Variants in CHRDL2 observed in about 807,000 individuals in gnomAD.
CHRDL2 encodes chordin like 2, also known as chordin-like protein 2.
Under a neutral mutation model 54.3 loss-of-function variants are expected in CHRDL2, and 41 were observed. The observed-to-expected ratio is 0.76, with a 90% CI of 0.59 to 0.98. The LOEUF is 0.98. CHRDL2 is among the 50% of genes least tolerant of loss of function. The pLI is 0.00. For synonymous variants in CHRDL2, 220 were observed against 224.3 expected (o/e 0.98, Z 0.17); for missense variants, 518 against 562.4 (o/e 0.92, Z 0.80).
At chr11:74,715,937 C>T (rs551551071) in intron 2 of CHRDL2, among the ~76,000 whole-genome samples, 5 of 152,178 alleles carry the variant, frequency 3.3e-5, no homozygotes, top group Admixed American at 2.6e-4. Flanking sequence ...GAGATCGTGC[C>T]ACTGCACTAC....
rs778654694 is a variant in CHRDL2, at chr11:74,713,433, C to A, written c.242G>T (p.Cys81Phe). ...CYRLHCPPVHCPQPVTEPQQC... is the reference protein window; with the variant it reads ...CYRLHCPPVHFPQPVTEPQQC... ...CTGTGGCTCCGTCACAGGCTGGGGGCAGTGGACAGGCGGACAGTGGAGGCG... is the reference window on the plus strand; with the variant it reads ...CTGTGGCTCCGTCACAGGCTGGGGGAAGTGGACAGGCGGACAGTGGAGGCG... Residue 81 changes from cysteine (C) to phenylalanine (F), a missense_variant, in exon 3 of 11, where the codon TGC (cysteine) becomes TTC (phenylalanine). Physicochemically the swap from Cys to Phe is radical, Grantham distance 205. Coordinates refer to ENST00000376332, the MANE Select transcript of CHRDL2 (RefSeq NM_001278473.3). The A allele has an allele frequency of 1.9e-6, 3 of 1,614,050 alleles. No individual in the cohort carries two copies. The African/African-American group carries it at 4.0e-5, about 22-fold the overall frequency.
In CHRDL2 at chr11:74,702,885, C is replaced by T. The variant is rs748718851; in HGVS notation, c.1029G>A (p.Ser343=). The T allele has an allele frequency of 2.0e-5, 32 of 1,614,022 alleles. No homozygotes were observed. Among genetic ancestry groups the T allele is most frequent in the South Asian group, 5.5e-5 (5 of 91,088 alleles). ...KAPGRVLVHT[S]VSPSPDNLRR... ...GCAGGTTGTCTGGGCTTGGGGATACCGATGTGTGGACGAGGACCCGGCCCG... is the reference window on the plus strand; with the variant it reads ...GCAGGTTGTCTGGGCTTGGGGATACTGATGTGTGGACGAGGACCCGGCCCG... Residue 343 remains serine, a synonymous_variant, in exon 9 of 11, where the codon TCG becomes TCA. Transcript: ENST00000376332.
Position 74,703,315 on chromosome 11 carries a change from C to T in CHRDL2, c.936G>A (p.Lys312=). ...AGTGCCCCTGTGTACCTGGGCAAAT[C>T]TTGCAGCACTTCCCAGCCACTTTCT... ...HPEKVAGKCC[K]ICPEDKADPG... The change falls in exon 8 of 11, where the codon AAG becomes AAA. Residue 312 remains lysine (K), a synonymous_variant. Coordinates refer to ENST00000376332, the MANE Select transcript of CHRDL2 (RefSeq NM_001278473.3). 1.2e-6 allele frequency: 2 copies of T among 1,604,086 alleles called. No homozygotes were observed. Among genetic ancestry groups the T allele is most frequent in the Non-Finnish European group, 1.7e-6 (2 of 1,174,014 alleles).
intron 1 of CHRDL2, among the ~76,000 whole-genome samples, chr11:74,724,794 T>C (rs2034546745): frequency 6.6e-6 from 1 of 152,192 alleles, no homozygotes; most frequent in African/African-American, 2.4e-5. Context: ...AGGTACTTCT[T>C]AAGTAAGCTT....
intron 2 of CHRDL2, among the ~76,000 whole-genome samples, chr11:74,714,931 A>G (rs1054795525): frequency 6.6e-6 from 1 of 152,222 alleles, no homozygotes; most frequent in Non-Finnish European, 1.5e-5. Context: ...GGAACTTCTC[A>G]GGAAAGTCAT....
In CHRDL2 at chr11:74,703,409, G is replaced by A. The variant is rs1303261660; in HGVS notation, c.842C>T (p.Thr281Ile). The change falls in exon 8 of 11, where the codon ACC (threonine) becomes ATC (isoleucine). Residue 281 changes from threonine to isoleucine, a missense_variant. By Grantham distance (89) the Thr-to-Ile change is moderately conservative. Transcript: ENST00000376332. ...GCAGTCCTGGCGGCCATCCTCACAG[G>A]TGCATAGGATGCAGGGCAAGGGGCC... Reference protein sequence around the residue: ...AFGPLPCILCTCEDGRQDCQR... With the variant: ...AFGPLPCILCICEDGRQDCQR... The A allele has an allele frequency of 1.2e-6, 2 of 1,613,562 alleles. No individual in the cohort carries two copies. The highest frequency in any genetic ancestry group is 1.7e-6 in the Non-Finnish European group (2 of 1,179,930).
At chr11:74,697,565 A>G (rs2033642668) in intron 9 of CHRDL2, 1 of 546,682 alleles carries the variant, frequency 1.8e-6, no homozygotes, top group South Asian at 1.8e-5. Context: ...CTAATCTGCA[A>G]TCCTAGCTCT....
chr11:74,716,546 A>AT, intron 2 of CHRDL2, among the ~76,000 whole-genome samples: 1 of 139,194 alleles, frequency 7.2e-6, no homozygotes, highest in African/African-American at 2.6e-5. Flanking sequence ...TCTCCAAAAA[A>AT]AAAAAAAAAA....
At chr11:74,701,399 T>C (rs564500355) in intron 9 of CHRDL2, 13 of 508,086 alleles carry the variant, frequency 2.6e-5, no homozygotes, top group Non-Finnish European at 3.9e-5. Flanking sequence ...AGAACACAGC[T>C]GCTCCCTCTG....
chr11:74,698,078 T>G (rs536470169), intron 9 of CHRDL2, among the ~76,000 whole-genome samples: 32 of 151,468 alleles, frequency 2.1e-4, no homozygotes, highest in Admixed American at 2.1e-3. Flanking sequence ...TTTTTTTTTT[T>G]TTTTGACGGA....
At chr11:74,707,583 C>T (rs138856488) in intron 5 of CHRDL2, among the ~76,000 whole-genome samples, 1 of 152,260 alleles carries the variant, frequency 6.6e-6, no homozygotes, top group Non-Finnish European at 1.5e-5. Context: ...GTCAGGAAGG[C>T]AGGATGAGAC....
intron 10 of CHRDL2, 49 bp from the exon 11 acceptor site, chr11:74,696,634 G>C: frequency 7.5e-7 from 1 of 1,330,224 alleles, no homozygotes; most frequent in Non-Finnish European, 1.1e-6. Context: ...GTCTGCACGT[G>C]CACAACAGAG....
At chr11:74,708,253 A>C in intron 5 of CHRDL2, 49 bp downstream of exon 5, 1 of 1,329,124 alleles carries the variant, frequency 7.5e-7, no homozygotes, top group Non-Finnish European at 1.0e-6. Flanking sequence ...GGCTAGGCCC[A>C]TGGAGTGGAG....
intron 2 of CHRDL2, among the ~76,000 whole-genome samples, chr11:74,715,328 G>A (rs961984609): frequency 1.3e-5 from 2 of 152,184 alleles, no homozygotes; most frequent in Middle Eastern, 3.2e-3. Flanking sequence ...CAAGGACCAC[G>A]CACAGTGGCT....
intron 10 of CHRDL2, 118 bp downstream of exon 10, chr11:74,697,087 G>A (rs1175073774): frequency 9.7e-6 from 7 of 723,976 alleles, no homozygotes; most frequent in African/African-American, 3.5e-5. Flanking sequence ...GGGAACTGAC[G>A]TCTGTGGCTG....
chr11:74,708,291 G>A lies in CHRDL2; in HGVS notation c.526+11C>T, dbSNP rs201639824. On this transcript the variant is annotated intron_variant, in intron 5 of 10. Coordinates refer to ENST00000376332, the MANE Select transcript of CHRDL2 (RefSeq NM_001278473.3). The stretch of plus-strand genomic sequence containing the variant: ...GTGGGTGAGTGCTGCCAGATGGAGG[G>A]ACAGACTCACCTTTGCAGGCCTGGC... The A allele has an allele frequency of 1.3e-6, 2 of 1,554,622 alleles. No individual in the cohort carries two copies. Among genetic ancestry groups the A allele is most frequent in the African/African-American group, 2.8e-5 (2 of 72,130 alleles).
At chr11:74,713,029 A>G (rs1031976520) in intron 3 of CHRDL2, among the ~76,000 whole-genome samples, 1 of 152,112 alleles carries the variant, frequency 6.6e-6, no homozygotes, top group Non-Finnish European at 1.5e-5. Flanking sequence ...CTTCAAGCCC[A>G]AGATCACTCA....
chr11:74,704,503 T>C lies in CHRDL2; in HGVS notation c.734A>G (p.Lys245Arg), dbSNP rs1347296999. ...GTCCCCACCTTTCTTATGTTTCTCC[T>C]TCAGGACGATCTTGACAGTTGTGCT... ...AGSTTVKIVL[K>R]EKHKKACVHG... Residue 245 changes from lysine (K) to arginine (R), a missense_variant, in exon 7 of 11, where the codon AAG (lysine) becomes AGG (arginine). By Grantham distance (26) the Lys-to-Arg change is conservative (BLOSUM62 2). Coordinates refer to ENST00000376332, the MANE Select transcript of CHRDL2 (RefSeq NM_001278473.3). The C allele has an allele frequency of 6.3e-7, 1 of 1,584,770 alleles. No individual in the cohort carries two copies. The highest frequency in any genetic ancestry group is 1.4e-5 in the African/African-American group (1 of 73,090).
chr11:74,716,106 T>A (rs1432466554), intron 2 of CHRDL2, among the ~76,000 whole-genome samples: 2 of 152,048 alleles, frequency 1.3e-5, no homozygotes, highest in African/African-American at 4.8e-5. Context: ...AACTGGGAGA[T>A]GAGAAGGAAC....
Sources: gnomAD v4.1 joint callset for allele counts (sites outside exome capture counted in the v4.1 genomes callset) on GRCh38, gnomAD v4.1.1 for gene constraint, MANE v1.5 for transcripts, NCBI Gene and HGNC (gene_info 2026-07-23, HGNC 2026-07-21) for gene names.